Variants in PISD observed in about 807,000 individuals in gnomAD.
PISD encodes phosphatidylserine decarboxylase proenzyme, mitochondrial.
In PISD, 31 loss-of-function variants were observed where a neutral mutation model predicts 43.5. The ratio of observed to expected loss-of-function variants is 0.71; its 90% CI spans 0.54 to 0.96. The LOEUF is 0.96. Ranked by LOEUF, PISD falls within the 40% of genes least tolerant of loss-of-function variation. The probability of loss-of-function intolerance (pLI) is 0.00; values close to 1 mark genes in which losing one functional copy is unlikely to be tolerated. For missense variants in PISD, 523 were observed against 548.4 expected, an observed-to-expected ratio of 0.95 and a Z score of 0.46; for synonymous variants, 259 against 228.7, an observed-to-expected ratio of 1.13 and a Z score of -1.20.
At chr22:31,622,819 G>A (rs2072657666) in intron 3 of PISD, among the ~76,000 whole-genome samples, 1 of 152,228 alleles carries the variant, frequency 6.6e-6, no homozygotes, top group Non-Finnish European at 1.5e-5. Context: ...AACTTCAGGT[G>A]CTGCTGCCAC....
intron 1 of PISD, among the ~76,000 whole-genome samples, chr22:31,661,617 C>G (rs925137680): frequency 6.6e-6 from 1 of 152,086 alleles, no homozygotes; most frequent in East Asian, 1.9e-4. Flanking sequence ...CTCAGAAGAC[C>G]CCTCAAGTCT....
intron 3 of PISD, among the ~76,000 whole-genome samples, chr22:31,624,800 C>T (rs915009427): frequency 4.4e-4 from 67 of 151,728 alleles, no homozygotes; most frequent in Admixed American, 8.5e-4. Context: ...CTCTGTGATC[C>T]GGCCTCTCCC....
intron 1 of PISD, among the ~76,000 whole-genome samples, chr22:31,657,067 T>G (rs2074199735): frequency 6.6e-6 from 1 of 152,212 alleles, no homozygotes; most frequent in Non-Finnish European, 1.5e-5. Flanking sequence ...TCACATTAGG[T>G]AAATGGGATA....
At chr22:31,627,904 G>C in intron 3 of PISD, 1 of 442,928 alleles carries the variant, frequency 2.3e-6, no homozygotes, top group South Asian at 9.5e-5. Flanking sequence ...GAGGAATCAA[G>C]GCACATGAGG....
At chr22:31,661,875 G>C (rs987975194) in intron 1 of PISD, among the ~76,000 whole-genome samples, 1 of 152,132 alleles carries the variant, frequency 6.6e-6, no homozygotes, top group African/African-American at 2.4e-5. Context: ...GAGACGGGCA[G>C]GTAGCCTATT....
intron 3 of PISD, among the ~76,000 whole-genome samples, chr22:31,624,793 T>G (rs2072804271): frequency 6.6e-6 from 1 of 150,888 alleles, no homozygotes; most frequent in South Asian, 2.1e-4. Flanking sequence ...CCAGCCTCTC[T>G]GTGATCCGGC....
At chr22:31,649,098 T>C (rs1023476290) in intron 2 of PISD, among the ~76,000 whole-genome samples, 1 of 152,102 alleles carries the variant, frequency 6.6e-6, no homozygotes. Context: ...CTTGCACCTA[T>C]AGTCCCAGCT....
At chr22:31,628,994 A>G (rs11703808) in intron 3 of PISD, 589,757 of 984,682 alleles carry the variant, frequency 0.6, 183,502 homozygotes, top group Middle Eastern at 0.65. Flanking sequence ...GTGAATAGGA[A>G]ACAATGGCTG....
intron 3 of PISD, chr22:31,638,526 C>T (rs1168584119): frequency 1.0e-6 from 1 of 985,446 alleles, no homozygotes; most frequent in African/African-American, 1.7e-5. Context: ...GAGGAAATGA[C>T]ACAGCTGCCC....
chr22:31,651,910 T>C (rs917587932), intron 1 of PISD, among the ~76,000 whole-genome samples: 2 of 152,152 alleles, frequency 1.3e-5, no homozygotes, highest in Non-Finnish European at 2.9e-5. Flanking sequence ...AAAGAGGAAA[T>C]ATCTCACTTT....
At chr22:31,662,454 C>A, upstream of PISD, 1 of 536,966 alleles carries the variant, frequency 1.9e-6, no homozygotes, top group African/African-American at 1.9e-5. Flanking sequence ...CTCCTCCTTC[C>A]CTCTGGGTGC....
intron 3 of PISD, among the ~76,000 whole-genome samples, chr22:31,646,084 A>T (rs2073880656): frequency 6.6e-6 from 1 of 152,050 alleles, no homozygotes; most frequent in African/African-American, 2.4e-5. Context: ...CATAAAATGA[A>T]GTGTTGGAGT....
rs2072557278 is a variant in PISD at position 31,621,346 on chromosome 22, G to A, written c.685C>T (p.Pro229Ser). 1 of 1,613,964 alleles carries A rather than the reference G, an allele frequency of 6.2e-7. No individual in the cohort carries two copies. The highest frequency in any genetic ancestry group is 1.3e-5 in the African/African-American group (1 of 74,928). The change falls in exon 5 of 8, where the codon CCC (proline) becomes TCC (serine). Residue 229 changes from proline to serine, a missense_variant. By Grantham distance (74) the Pro-to-Ser change is moderately conservative. Coordinates refer to ENST00000439502, the MANE Select transcript of PISD (RefSeq NM_001326411.2). ...LGPRMCTEDL[P>S]FPPAASCDSF... ...TGCAGTGACCCACCTGGTGGGAAGG[G>A]CAGGTCCTCTGTGCACATACGCGGG...
In PISD at chr22:31,633,355, G is replaced by A. The variant is rs139576940; in HGVS notation, c.322-11470C>T. Among the ~76,000 whole-genome samples, 20 of 152,288 alleles carry A rather than the reference G, an allele frequency of 1.3e-4. No homozygotes were observed. In the East Asian group the frequency reaches 2.9e-3, roughly 22 times the overall value. On this transcript the variant is annotated intron_variant, in intron 3 of 7. Transcript: ENST00000439502. ...CTCTTCCCTGTGGAATGGCCAGCTC[G>A]GCTGCACTGCATCCACTGGCATTGC...
At chr22:31,636,572 C>T (rs1244616476) in intron 3 of PISD, among the ~76,000 whole-genome samples, 1 of 149,358 alleles carries the variant, frequency 6.7e-6, no homozygotes, top group Admixed American at 6.7e-5. Context: ...TGGAGTCTCA[C>T]TCTCTCTCCC....
Position 31,630,585 on chromosome 22 carries a change from T to TG in PISD, c.322-8701dup. ...TCACGCAGCCCGGGCCGTGCCCACGTGGGGACGGAAAAAAAGCCCACGACT... is the reference window on the plus strand; with the variant it reads ...TCACGCAGCCCGGGCCGTGCCCACGTGGGGGACGGAAAAAAAGCCCACGACT... On this transcript the variant is annotated intron_variant, in intron 3 of 7. Coordinates refer to ENST00000439502, the MANE Select transcript of PISD (RefSeq NM_001326411.2). The surrounding 1 kb of genome is among the most constrained non-coding windows in gnomAD (Gnocchi z 4.4). 1.5e-5 allele frequency: 5 copies of TG among 323,082 alleles called. No homozygotes were observed. Among genetic ancestry groups the TG allele is most frequent in the Non-Finnish European group, 2.2e-5 (5 of 224,464 alleles). The allele number at this position is 323,082 out of a possible 1,614,324, so 20.0% of individuals were successfully genotyped here. A position where few individuals can be genotyped will look rare whatever the true frequency, so the allele number is the denominator to read the frequency against.
chr22:31,640,964 T>C (rs1188056729), intron 3 of PISD, among the ~76,000 whole-genome samples: 1 of 133,936 alleles, frequency 7.5e-6, no homozygotes, highest in Non-Finnish European at 1.5e-5. Flanking sequence ...CTCGGCTCAC[T>C]GCAACCTCCA....
intron 7 of PISD, 80 bp downstream of exon 7, chr22:31,620,473 C>A: frequency 7.1e-7 from 1 of 1,415,378 alleles, no homozygotes; most frequent in Non-Finnish European, 9.9e-7. Flanking sequence ...AGTCCCAACG[C>A]ATCCGCCGCA....
In PISD at chr22:31,662,202, T is replaced by C. The variant is rs761074764; in HGVS notation, c.7A>G (p.Thr3Ala). 2.5e-6 allele frequency: 4 copies of C among 1,604,152 alleles called. No individual in the cohort carries two copies. The South Asian group carries it at 3.3e-5, about 13-fold the overall frequency. The change falls in exon 1 of 8, where the codon ACG becomes GCG. Residue 3 changes from threonine (T) to alanine (A), a missense_variant. Coordinates refer to ENST00000439502, the MANE Select transcript of PISD (RefSeq NM_001326411.2). Reference protein sequence around the residue: MATSVGHRCLGLL... With the variant: MAASVGHRCLGLL... Reference sequence around the variant, plus strand: ...CCCAGACATCGGTGCCCCACGGACGTCGCCATCTTGTCTGCTCCTTCTCAG... The same window carrying C: ...CCCAGACATCGGTGCCCCACGGACGCCGCCATCTTGTCTGCTCCTTCTCAG...
Sources: allele counts gnomAD v4.1 joint callset (sites outside exome capture counted in the v4.1 genomes callset), GRCh38; gene constraint gnomAD v4.1.1; non-coding constraint Gnocchi (gnomAD v3.1); transcripts MANE v1.5; gene names NCBI Gene and HGNC (gene_info 2026-07-23, HGNC 2026-07-21).